Variants in XXYLT1 observed in about 807,000 individuals in gnomAD.
XXYLT1 encodes xyloside xylosyltransferase 1.
Under a neutral mutation model 28.9 loss-of-function variants are expected in XXYLT1, and 20 were observed. The observed-to-expected ratio is 0.69, with a 90% CI of 0.49 to 1.00. The LOEUF is 1.00. XXYLT1 is among the 50% of genes least tolerant of loss of function. The pLI is 0.00. For missense variants in XXYLT1, 542 were observed against 560.1 expected (o/e 0.97, Z 0.33); for synonymous variants, 257 against 253.8 (o/e 1.01, Z -0.12).
At chr3:195,258,541 C>T (rs1725563203) in intron 1 of XXYLT1, among the ~76,000 whole-genome samples, 1 of 151,812 alleles carries the variant, frequency 6.6e-6, no homozygotes, top group Admixed American at 6.6e-5. Flanking sequence ...TTCATAGAGG[C>T]GACTCTGTCA....
intron 1 of XXYLT1, among the ~76,000 whole-genome samples, chr3:195,259,431 G>T (rs779648807): frequency 6.6e-6 from 1 of 152,230 alleles, no homozygotes; most frequent in Non-Finnish European, 1.5e-5. Context: ...ACGACGGTGT[G>T]AGTGGTCCCA....
intron 3 of XXYLT1, among the ~76,000 whole-genome samples, chr3:195,109,383 T>A (rs574925238): frequency 7.2e-5 from 7 of 97,016 alleles, no homozygotes; most frequent in Non-Finnish European, 1.1e-4. Context: ...GTGTGTAGTG[T>A]ATAAGTGTGC....
intron 3 of XXYLT1, among the ~76,000 whole-genome samples, chr3:195,090,370 A>G (rs1339804147): frequency 6.6e-6 from 1 of 151,478 alleles, no homozygotes. Context: ...AGGATTAAGA[A>G]TCTCACTCAA....
chr3:195,216,461 A>G (rs1276825389), intron 2 of XXYLT1, among the ~76,000 whole-genome samples: 1 of 150,680 alleles, frequency 6.6e-6, no homozygotes, highest in East Asian at 2.0e-4. Context: ...TAGACGCAAT[A>G]AAAAATGATA....
intron 1 of XXYLT1, chr3:195,247,682 T>TGAGG (rs1190804933): frequency 3.3e-6 from 2 of 606,856 alleles, no homozygotes; most frequent in Non-Finnish European, 6.0e-6. Context: ...CAGGGCAGGC[T>TGAGG]CAGCTGCTGT....
At chr3:195,248,784 G>T (rs968970757) in intron 1 of XXYLT1, among the ~76,000 whole-genome samples, 5 of 152,138 alleles carry the variant, frequency 3.3e-5, no homozygotes, top group Non-Finnish European at 7.3e-5. Flanking sequence ...GCTGAGTGTG[G>T]TGGCAGGCAC....
At chr3:195,080,240 GA>G (rs368277881) in intron 3 of XXYLT1, among the ~76,000 whole-genome samples, 15 of 152,328 alleles carry the variant, frequency 9.8e-5, no homozygotes, top group African/African-American at 3.4e-4. Context: ...GACTAGGAAG[GA>G]AGGGGCCCAG....
rs138163585 is a variant in XXYLT1, at chr3:195,159,422, A to G, written c.653-2841T>C. On this transcript the variant is annotated intron_variant, in intron 2 of 3. Coordinates refer to ENST00000310380, the MANE Select transcript of XXYLT1 (RefSeq NM_152531.5). ...CTCCCTAGTTAATGCTCCTGTGTTT[A>G]TTAGCCCCGTCACCTCCAACCCACT... Among the ~76,000 whole-genome samples the G allele has an allele frequency of 7.3e-3, 1,117 of 152,284 alleles. 13 individuals carry two copies. Among genetic ancestry groups the G allele is most frequent in the African/African-American group, 0.026 (1,062 of 41,554 alleles).
chr3:195,192,971 A>G (rs1452637062), intron 2 of XXYLT1, among the ~76,000 whole-genome samples: 2 of 152,124 alleles, frequency 1.3e-5, no homozygotes, highest in East Asian at 3.9e-4. Context: ...CAACAAAACA[A>G]TCAAAAAAAG....
intron 3 of XXYLT1, among the ~76,000 whole-genome samples, chr3:195,085,321 C>T (rs1433554786): frequency 6.6e-6 from 1 of 152,234 alleles, no homozygotes; most frequent in Non-Finnish European, 1.5e-5. Flanking sequence ...ACCAGTGTCA[C>T]AGTCCTGGTC....
intron 1 of XXYLT1, among the ~76,000 whole-genome samples, chr3:195,265,289 G>T (rs558962922): frequency 6.6e-6 from 1 of 151,366 alleles, no homozygotes; most frequent in African/African-American, 2.4e-5. Context: ...AGAATCGCTT[G>T]AAAGGAGGCA....
intron 1 of XXYLT1, among the ~76,000 whole-genome samples, chr3:195,236,574 T>C (rs1014220614): frequency 6.6e-6 from 1 of 151,816 alleles, no homozygotes; most frequent in African/African-American, 2.4e-5. Flanking sequence ...AAGGGCCCAG[T>C]TGGTGCTCCC....
chr3:195,079,856 A>G (rs1156636592), intron 3 of XXYLT1, among the ~76,000 whole-genome samples: 1 of 152,164 alleles, frequency 6.6e-6, no homozygotes, highest in Non-Finnish European at 1.5e-5. Flanking sequence ...GGAATGAATA[A>G]CAGGCAAATA....
chr3:195,177,812 G>A (rs911900410), intron 2 of XXYLT1, among the ~76,000 whole-genome samples: 5 of 152,092 alleles, frequency 3.3e-5, no homozygotes, highest in African/African-American at 1.2e-4. Flanking sequence ...GCATGCGCCT[G>A]TAGTCCCAGC....
rs1278570470 is a variant in XXYLT1, at chr3:195,209,745, C to T, written c.652+16964G>A. On this transcript the variant is annotated intron_variant, in intron 2 of 3. Transcript: ENST00000310380. The surrounding 1 kb of genome is among the most constrained non-coding windows in gnomAD (Gnocchi z 5.0). ...GCCAGGCAAGGGGAGGCCGGGCCCA[C>T]ACCCTGCAGCCCACTCTCTCTGGAG... 6.5e-6 allele frequency: 1 copy of T among 152,874 alleles called. No homozygotes were observed. Among genetic ancestry groups the T allele is most frequent in the African/African-American group, 2.4e-5 (1 of 41,488 alleles). The allele number at this position is 152,874 out of a possible 1,614,324, so 9.5% of individuals were successfully genotyped here.
At chr3:195,094,106 A>T (rs1438361099) in intron 3 of XXYLT1, 1 of 152,986 alleles carries the variant, frequency 6.5e-6, no homozygotes, top group African/African-American at 2.4e-5. Flanking sequence ...GAAACATGAA[A>T]TTCACAGCAC....
At chr3:195,125,030 A>G (rs1278441198) in intron 3 of XXYLT1, among the ~76,000 whole-genome samples, 3 of 152,262 alleles carry the variant, frequency 2.0e-5, no homozygotes, top group Non-Finnish European at 4.4e-5. Flanking sequence ...TTTACTGAGC[A>G]GTTACAGGGA....
chr3:195,218,768 G>A (rs1446967997), intron 2 of XXYLT1, among the ~76,000 whole-genome samples: 133 of 150,862 alleles, frequency 8.8e-4, no homozygotes, highest in African/African-American at 3.1e-3. Context: ...GATTCCTCAG[G>A]GATCTAGAAC....
At chr3:195,183,679 G>C (rs1577119456) in intron 2 of XXYLT1, 2 of 152,200 alleles carry the variant, frequency 1.3e-5, no homozygotes, top group Admixed American at 6.5e-5. Flanking sequence ...GGGGACTCAA[G>C]TCCCTCCAGA....
Sources: gnomAD v4.1 joint callset for allele counts (sites outside exome capture counted in the v4.1 genomes callset) on GRCh38, gnomAD v4.1.1 for gene constraint, Gnocchi (gnomAD v3.1) non-coding constraint, MANE v1.5 for transcripts, NCBI Gene and HGNC (gene_info 2026-07-23, HGNC 2026-07-21) for gene names.